ZNF385D: variants seen among roughly 807,000 people sequenced by gnomAD.
The protein encoded by ZNF385D is zinc finger protein 659.
In ZNF385D, 15 loss-of-function variants were observed where a neutral mutation model predicts 35.8. The observed-to-expected ratio is 0.42, with a 90% CI of 0.28 to 0.64. The LOEUF is 0.64. Ranked by LOEUF, ZNF385D falls within the 30% of genes least tolerant of loss-of-function variation. The pLI, the probability that ZNF385D is intolerant of heterozygous loss-of-function variation, is 0.23. For synonymous variants in ZNF385D, 212 were observed against 186.8 expected, an observed-to-expected ratio of 1.13 and a Z score of -1.10; for missense variants, 474 against 494.6, an observed-to-expected ratio of 0.96 and a Z score of 0.39.
In ZNF385D at chr3:21,630,616, C is replaced by T. The variant is rs76893741; in HGVS notation, c.165+34270G>A. ...TAGGCAGCTCTTCATCTTTTTGGGC[C>T]TCACTCTGCACATCTGTAAAATAGA... is the stretch of plus-strand genomic sequence containing the variant. On this transcript the variant is annotated intron_variant, in intron 2 of 7. Coordinates refer to ENST00000281523, the MANE Select transcript of ZNF385D (RefSeq NM_024697.3). Among the ~76,000 whole-genome samples the T allele has an allele frequency of 4.4e-3, 663 of 152,184 alleles. 5 individuals carry two copies. The highest frequency in any genetic ancestry group is 0.015 in the African/African-American group (603 of 41,540).
rs147778064 is a variant in ZNF385D at position 21,989,410 on chromosome 3, C to A, written c.325+179407G>T. ...TACGTAGGAATACAGTTATGATTTT[C>A]TGACACAATGCACTGATGCAACAGT... On this transcript the variant is annotated intron_variant, in intron 3 of 5. Transcript: ENST00000494108. Among the ~76,000 whole-genome samples the A allele has an allele frequency of 1.8e-3, 281 of 152,258 alleles. 1 individual carries two copies. The highest frequency in any genetic ancestry group is 6.5e-3 in the African/African-American group (270 of 41,538).
chr3:22,194,246 T>C (rs1696256537), intron 2 of ZNF385D, among the ~76,000 whole-genome samples: 1 of 151,928 alleles, frequency 6.6e-6, no homozygotes, highest in Admixed American at 6.6e-5. Context: ...AATTAAAGTA[T>C]TAATTTTGTC....
chr3:21,514,181 T>C (rs2125478731), intron 3 of ZNF385D, among the ~76,000 whole-genome samples: 1 of 152,282 alleles, frequency 6.6e-6, no homozygotes, highest in South Asian at 2.1e-4. Context: ...GATTGTGTCT[T>C]ATTATTTATC....
chr3:22,046,625 A>G (rs1251289248), intron 3 of ZNF385D, among the ~76,000 whole-genome samples: 4 of 152,130 alleles, frequency 2.6e-5, no homozygotes, highest in African/African-American at 9.7e-5. Context: ...AGCAATTGCA[A>G]ATATATTGAG....
intron 1 of ZNF385D, among the ~76,000 whole-genome samples, chr3:21,703,611 A>T (rs1464419821): frequency 6.6e-6 from 1 of 152,132 alleles, no homozygotes; most frequent in Non-Finnish European, 1.5e-5. Flanking sequence ...TTTTTAAATA[A>T]AAAAGCAGTT....
At chr3:21,812,713 G>A (rs1215598868) in intron 3 of ZNF385D, among the ~76,000 whole-genome samples, 1 of 152,206 alleles carries the variant, frequency 6.6e-6, no homozygotes, top group Non-Finnish European at 1.5e-5. Flanking sequence ...CGAACTGCGT[G>A]GAGCCCACCA....
intron 1 of ZNF385D, among the ~76,000 whole-genome samples, chr3:21,732,198 T>G (rs1285157320): frequency 6.6e-6 from 1 of 151,658 alleles, no homozygotes; most frequent in Admixed American, 6.6e-5. Flanking sequence ...TACAGGTGCC[T>G]GCCACCACAC....
rs186455254 is a variant in ZNF385D, at chr3:21,875,451, T to C, written c.326-210423A>G. On this transcript the variant is annotated intron_variant, in intron 3 of 5. Transcript: ENST00000494108. ...CTCATATCTTGAATATTAATCTACA[T>C]TGCTGCTTCAGTTTATACCTTCTGA... Among the ~76,000 whole-genome samples the C allele has an allele frequency of 2.7e-4, 41 of 152,206 alleles. 1 individual carries two copies. The highest frequency in any genetic ancestry group is 7.7e-4 in the East Asian group (4 of 5,170).
chr3:21,706,083 C>G (rs1371548857), intron 1 of ZNF385D, among the ~76,000 whole-genome samples: 1 of 152,206 alleles, frequency 6.6e-6, no homozygotes, highest in Non-Finnish European at 1.5e-5. Context: ...AACTCACTCT[C>G]ATATGTCTTG....
intron 3 of ZNF385D, among the ~76,000 whole-genome samples, chr3:22,043,835 G>A (rs1173045775): frequency 6.6e-6 from 1 of 152,056 alleles, no homozygotes; most frequent in Non-Finnish European, 1.5e-5. Flanking sequence ...CTCTCTCTCT[G>A]ACTCTACTTG....
intron 2 of ZNF385D, among the ~76,000 whole-genome samples, chr3:21,654,533 C>A (rs78370229): frequency 0.075 from 11,341 of 152,054 alleles, 517 homozygotes; most frequent in Middle Eastern, 0.19. Context: ...AACTCCCCTT[C>A]CTTTTCTACA....
At chr3:22,168,934 A>G in exon 3 of ZNF385D, 1 of 985,852 alleles carries the variant, frequency 1.0e-6, no homozygotes, top group Non-Finnish European at 1.2e-6. Flanking sequence ...CATACATTGC[A>G]CAAAGTAAAG....
At chr3:21,763,682 T>G (rs2070713791) in intron 3 of ZNF385D, among the ~76,000 whole-genome samples, 1 of 152,136 alleles carries the variant, frequency 6.6e-6, no homozygotes. Flanking sequence ...AAAATCATAC[T>G]CTCTGGAGGA....
chr3:21,935,457 C>A (rs941168012), intron 3 of ZNF385D, among the ~76,000 whole-genome samples: 11 of 152,092 alleles, frequency 7.2e-5, no homozygotes, highest in African/African-American at 2.4e-4. Context: ...TCACTGAGAA[C>A]ACAAACTGGC....
At chr3:21,483,680 T>C (rs1206008147) in intron 4 of ZNF385D, among the ~76,000 whole-genome samples, 1 of 152,196 alleles carries the variant, frequency 6.6e-6, no homozygotes, top group Non-Finnish European at 1.5e-5. Context: ...TAATGTGGAA[T>C]ATCTTTTTAT....
rs138288808 is a variant in ZNF385D at position 22,362,090 on chromosome 3, T to C, written c.106+10360A>G. On this transcript the variant is annotated intron_variant, in intron 2 of 5. Transcript: ENST00000494108. ...CTATTTGGTTTTTTCAAATCCTTTA[T>C]GCCTGCTAAAACTTCTGAATTATGG... Among the ~76,000 whole-genome samples the C allele has an allele frequency of 3.2e-3, 492 of 151,712 alleles. 2 individuals are homozygous for C. The highest frequency in any genetic ancestry group is 0.011 in the African/African-American group (467 of 41,510).
chr3:21,428,933 C>CTTTTTTTTTTTTTTTTTTTTTTTTTTTTT (rs56827844), intron 5 of ZNF385D, among the ~76,000 whole-genome samples: 7 of 112,036 alleles, frequency 6.2e-5, no homozygotes, highest in Admixed American at 1.1e-4. Context: ...CCAAGAAATC[C>CTTTTTTTTTTTTTTTTTTTTTTTTTTTTT]TTTTTTTTTT....
upstream of ZNF385D, among the ~76,000 whole-genome samples, chr3:21,754,533 A>G (rs991004735): frequency 1.3e-5 from 2 of 152,156 alleles, no homozygotes; most frequent in East Asian, 3.9e-4. Flanking sequence ...CTGTGTTCTA[A>G]GATCCGGGTA....
chr3:21,943,576 C>A (rs1701638303), intron 3 of ZNF385D, among the ~76,000 whole-genome samples: 2 of 151,804 alleles, frequency 1.3e-5, no homozygotes, highest in African/African-American at 4.8e-5. Flanking sequence ...AGAAAAATAG[C>A]AACATGTACT....
Sources: gnomAD v4.1 joint callset for allele counts (sites outside exome capture counted in the v4.1 genomes callset) on GRCh38, gnomAD v4.1.1 for gene constraint, MANE v1.5 for transcripts, NCBI Gene and HGNC (gene_info 2026-07-23, HGNC 2026-07-21) for gene names.